Variants in CLIP4 observed in about 807,000 individuals in gnomAD.
CLIP4 encodes CAP-Gly domain containing linker protein family member 4.
CLIP4 carries 47 observed loss-of-function variants against 73.1 expected under a neutral mutation model. The ratio of observed to expected loss-of-function variants is 0.64; its 90% CI spans 0.51 to 0.82. The LOEUF is 0.82. Ranked by LOEUF, CLIP4 falls within the 40% of genes least tolerant of loss-of-function variation. The pLI is 0.00. For missense variants in CLIP4, 874 were observed against 852.9 expected (o/e 1.02, Z -0.31); for synonymous variants, 306 against 295.4 (o/e 1.04, Z -0.37).
chr2:29,172,020 T>C (rs1668041415), intron 14 of CLIP4, among the ~76,000 whole-genome samples: 1 of 151,634 alleles, frequency 6.6e-6, no homozygotes, highest in Non-Finnish European at 1.5e-5. Context: ...TTTTTTTTTT[T>C]TTTTCATTCT....
Position 29,132,203 on chromosome 2 carries a change from A to T in CLIP4, c.325A>T (p.Thr109Ser). The stretch of plus-strand genomic sequence containing the variant: ...TGATAGAGATGGATTGACAGATATG[A>T]CTCTTTTACATTATACCTGCAAATC... ...VNDRDGLTDMTLLHYTCKSGA... is the reference protein window; with the variant it reads ...VNDRDGLTDMSLLHYTCKSGA... Residue 109 changes from threonine to serine, a missense_variant, in exon 4 of 16, where the codon ACT (threonine) becomes TCT (serine). Physicochemically the swap from Thr to Ser is moderately conservative, Grantham distance 58. Coordinates refer to ENST00000320081, the MANE Select transcript of CLIP4 (RefSeq NM_024692.6). The T allele has an allele frequency of 6.2e-7, 1 of 1,613,576 alleles. No homozygotes were observed.
intron 6 of CLIP4, among the ~76,000 whole-genome samples, chr2:29,136,325 G>A (rs1665357283): frequency 6.6e-6 from 1 of 151,888 alleles, no homozygotes; most frequent in Non-Finnish European, 1.5e-5. Context: ...TGCAGTATTC[G>A]AAAACACCTG....
At chr2:29,152,556 T>C (rs1437939605) in intron 8 of CLIP4, 129 bp from the exon 9 acceptor site, 2 of 896,068 alleles carry the variant, frequency 2.2e-6, no homozygotes, top group African/African-American at 1.7e-5. Flanking sequence ...TTTTTTTTCC[T>C]CTCATCATAG....
chr2:29,144,322 G>A (rs1392419978), intron 7 of CLIP4, among the ~76,000 whole-genome samples: 1 of 152,096 alleles, frequency 6.6e-6, no homozygotes, highest in Non-Finnish European at 1.5e-5. Flanking sequence ...GGAGACCCTT[G>A]CTGTTCATGG....
chr2:29,122,740 T>A (rs1418061476), intron 2 of CLIP4, among the ~76,000 whole-genome samples: 1 of 138,250 alleles, frequency 7.2e-6, no homozygotes, highest in African/African-American at 2.7e-5. Flanking sequence ...GGCAGGAGAA[T>A]CACTTGAACC....
In CLIP4 at chr2:29,107,984, C is replaced by G. The variant is rs140240331; in HGVS notation, c.-16+10037C>G. Among the ~76,000 whole-genome samples the G allele has an allele frequency of 3.1e-3, 469 of 149,772 alleles. 3 individuals are homozygous for G. The highest frequency in any genetic ancestry group is 3.8e-3 in the Non-Finnish European group (254 of 67,588). On this transcript the variant is annotated intron_variant, in intron 1 of 14. Coordinates refer to the CLIP4 transcript ENST00000401605. ...AGAAATAGACTACAATTCCTGCCCT[C>G]TTGGAGTTTCTTTTTTTTTTTTAAA... is the stretch of plus-strand genomic sequence containing the variant.
rs751146797 is a variant in CLIP4, at chr2:29,152,641, A to C, written c.1022-44A>C. On this transcript the variant is annotated intron_variant, in intron 8 of 15. Coordinates refer to ENST00000320081, the MANE Select transcript of CLIP4 (RefSeq NM_024692.6). The stretch of plus-strand genomic sequence containing the variant: ...TAGTTGTACTTGTTCCTTTATTTGA[A>C]ATGTTTTAATTGTTTAACACTAAAA... 41 of 1,585,460 alleles carry C rather than the reference A, an allele frequency of 2.6e-5. No homozygotes were observed. In the Middle Eastern group the frequency reaches 5.0e-4, roughly 19 times the overall value.
At chr2:29,126,497 A>G (rs1664614987) in intron 2 of CLIP4, among the ~76,000 whole-genome samples, 2 of 152,232 alleles carry the variant, frequency 1.3e-5, no homozygotes, top group South Asian at 2.1e-4. Context: ...GATTAAATAA[A>G]TTAATATACA....
At chr2:29,181,109 A>T (rs1668619534) in intron 15 of CLIP4, among the ~76,000 whole-genome samples, 2 of 152,170 alleles carry the variant, frequency 1.3e-5, no homozygotes, top group African/African-American at 4.8e-5. Flanking sequence ...CCTTACCTAT[A>T]ACATAAACAG....
At chr2:29,116,607 G>A (rs752285542) in intron 1 of CLIP4, among the ~76,000 whole-genome samples, 13 of 152,196 alleles carry the variant, frequency 8.5e-5, no homozygotes, top group South Asian at 4.1e-4. Context: ...GAGCAACTGG[G>A]GAGGAAAGCA....
chr2:29,118,540 T>C (rs1008066079), intron 1 of CLIP4, among the ~76,000 whole-genome samples: 2 of 149,560 alleles, frequency 1.3e-5, no homozygotes, highest in African/African-American at 2.5e-5. Context: ...TTTTTTGAGA[T>C]GGAGTTTCGC....
Position 29,098,134 on chromosome 2 carries a change from C to T in CLIP4, c.-16+187C>T, listed in dbSNP as rs192921470. Reference sequence around the variant, plus strand: ...TTTTACAGGAATGCAACCTTTTGTACGTAATGGAATGATCAGAAAGTCAGT... The same window carrying T: ...TTTTACAGGAATGCAACCTTTTGTATGTAATGGAATGATCAGAAAGTCAGT... On this transcript the variant is annotated intron_variant, in intron 1 of 14. Transcript: ENST00000401605. Among the ~76,000 whole-genome samples the T allele has an allele frequency of 1.9e-3, 293 of 152,200 alleles. 3 individuals are homozygous for T. The highest frequency in any genetic ancestry group is 6.4e-3 in the African/African-American group (264 of 41,514).
At chr2:29,103,458 T>C (rs1668107695) in intron 1 of CLIP4, among the ~76,000 whole-genome samples, 2 of 152,056 alleles carry the variant, frequency 1.3e-5, no homozygotes, top group East Asian at 1.9e-4. Context: ...TTAACACTTA[T>C]TGAGTAATTA....
At chr2:29,168,825 A>C (rs1219576284) in intron 14 of CLIP4, among the ~76,000 whole-genome samples, 1 of 151,892 alleles carries the variant, frequency 6.6e-6, no homozygotes, top group African/African-American at 2.4e-5. Flanking sequence ...CCCAGCCTGC[A>C]CTTTTTGTTT....
intron 8 of CLIP4, among the ~76,000 whole-genome samples, chr2:29,146,713 G>T (rs1022060263): frequency 2.0e-5 from 3 of 152,280 alleles, no homozygotes. Flanking sequence ...GAGTCTGACT[G>T]CTTTTGTGTG....
At chr2:29,165,975 C>CAA (rs35611841) in intron 13 of CLIP4, among the ~76,000 whole-genome samples, 1,563 of 146,190 alleles carry the variant, frequency 0.011, 26 homozygotes, top group Admixed American at 0.041. Context: ...CCCTCTTCTT[C>CAA]AAAAAAAAAA....
intron 2 of CLIP4, chr2:29,130,674 C>G (rs949436240): frequency 2.7e-6 from 3 of 1,125,618 alleles, no homozygotes; most frequent in Non-Finnish European, 3.3e-6. Flanking sequence ...TCAGTTCAAT[C>G]TTTCTGATTC....
chr2:29,178,956 T>C (rs1668499513), intron 15 of CLIP4, among the ~76,000 whole-genome samples: 1 of 152,056 alleles, frequency 6.6e-6, no homozygotes, highest in Non-Finnish European at 1.5e-5. Flanking sequence ...CACTGTGCCC[T>C]TCTAAGTTTT....
intron 14 of CLIP4, among the ~76,000 whole-genome samples, chr2:29,172,915 T>G (rs1668102846): frequency 6.6e-6 from 1 of 152,110 alleles, no homozygotes; most frequent in African/African-American, 2.4e-5. Flanking sequence ...AAGTTACCAT[T>G]GCAATTCTTT....
Sources: gnomAD v4.1 joint callset for allele counts (sites outside exome capture counted in the v4.1 genomes callset) on GRCh38, gnomAD v4.1.1 for gene constraint, MANE v1.5 for transcripts, NCBI Gene and HGNC (gene_info 2026-07-23, HGNC 2026-07-21) for gene names.